IQCE: variants seen among roughly 807,000 people sequenced by gnomAD.
IQCE encodes the protein IQ motif containing E.
In IQCE, 115 loss-of-function variants were observed where a neutral mutation model predicts 96.0. The observed-to-expected ratio is 1.20, with a 90% CI of 1.03 to 1.40. The LOEUF is 1.40. Ranked by LOEUF, IQCE falls within the 40% of genes most tolerant of loss-of-function variation. The pLI is 0.00. For synonymous variants in IQCE, 412 were observed against 371.2 expected, an observed-to-expected ratio of 1.11 and a Z score of -1.26; for missense variants, 1,041 against 909.1, an observed-to-expected ratio of 1.15 and a Z score of -1.87.
intron 17 of IQCE, among the ~76,000 whole-genome samples, chr7:2,599,957 C>A (rs1456420653): frequency 2.0e-5 from 3 of 152,022 alleles, no homozygotes; most frequent in Admixed American, 2.0e-4. Context: ...CCATGCACAG[C>A]TAATTTTTGT....
At chr7:2,568,297 A>G (rs1429814044) in intron 2 of IQCE, among the ~76,000 whole-genome samples, 3 of 152,258 alleles carry the variant, frequency 2.0e-5, no homozygotes, top group African/African-American at 4.8e-5. Flanking sequence ...TGAAACATAA[A>G]TGAATTTTGT....
chr7:2,606,469 A>C (rs929266578), intron 20 of IQCE, among the ~76,000 whole-genome samples: 1 of 152,054 alleles, frequency 6.6e-6, no homozygotes, highest in African/African-American at 2.4e-5. Context: ...TCGGTTGCAG[A>C]AATCAAAACC....
At chr7:2,561,337 CTAAG>C (rs1412550701) in intron 1 of IQCE, among the ~76,000 whole-genome samples, 2 of 152,046 alleles carry the variant, frequency 1.3e-5, no homozygotes, top group Non-Finnish European at 2.9e-5. Flanking sequence ...AAATTTATTC[CTAAG>C]TATTTTATGC....
chr7:2,602,357 A>G (rs954514370), intron 18 of IQCE, among the ~76,000 whole-genome samples: 2 of 152,138 alleles, frequency 1.3e-5, no homozygotes, highest in South Asian at 4.1e-4. Context: ...TTTAGGGAGG[A>G]GCTAGAAAGT....
In IQCE at chr7:2,610,115, GA is replaced by G. The variant is rs1241924015; in HGVS notation, c.2042del (p.Asp681ValfsTer52). On this transcript the variant is annotated frameshift_variant, in exon 22 of 22. Transcript: ENST00000402050. LOFTEE classifies it high-confidence loss of function. The stretch of plus-strand genomic sequence containing the variant: ...TGACGTCAACTCCGATGATTCCGAC[GA>G]TATTGTCATTGCACCGTCTCTGCCC... ...GDDVNSDDSD[D>X]IVIAPSLPTK... 6.2e-7 allele frequency: 1 copy of G among 1,613,312 alleles called. No homozygotes were observed. The highest frequency in any genetic ancestry group is 1.3e-5 in the African/African-American group (1 of 75,030).
At chr7:2,600,557 G>A (rs1011592007) in intron 17 of IQCE, among the ~76,000 whole-genome samples, 6 of 152,208 alleles carry the variant, frequency 3.9e-5, no homozygotes, top group African/African-American at 7.2e-5. Context: ...TCGTCCTCCC[G>A]AAAGCGTGGG....
At chr7:2,591,918 G>A (rs1029582311) in intron 14 of IQCE, among the ~76,000 whole-genome samples, 1 of 149,300 alleles carries the variant, frequency 6.7e-6, no homozygotes, top group Non-Finnish European at 1.5e-5. Context: ...CACCGCACCC[G>A]GGCCTGCCTC....
intron 11 of IQCE, 123 bp downstream of exon 11, chr7:2,584,408 A>G (rs1782938145): frequency 1.1e-6 from 1 of 869,734 alleles, no homozygotes; most frequent in African/African-American, 1.6e-5. Flanking sequence ...AGTGCTGCCA[A>G]CACTGCACCT....
chr7:2,605,598 C>G (rs1784750060), intron 19 of IQCE, among the ~76,000 whole-genome samples: 1 of 151,790 alleles, frequency 6.6e-6, no homozygotes, highest in Non-Finnish European at 1.5e-5. Context: ...CCAGCCTGGG[C>G]AACAGAGCGA....
intron 11 of IQCE, 22 bp from the exon 12 acceptor site, chr7:2,586,186 G>T (rs1319324314): frequency 6.2e-7 from 1 of 1,606,930 alleles, no homozygotes; most frequent in Non-Finnish European, 8.5e-7. Context: ...GCAAACCTCA[G>T]TCCACGATTT....
chr7:2,583,087 TC>T (rs1218533157), intron 9 of IQCE, among the ~76,000 whole-genome samples: 1 of 152,110 alleles, frequency 6.6e-6, no homozygotes, highest in Non-Finnish European at 1.5e-5. Context: ...GTACAATAGT[TC>T]CCCCCTCGTT....
chr7:2,583,069 T>G (rs567667991), intron 9 of IQCE, among the ~76,000 whole-genome samples: 1 of 152,198 alleles, frequency 6.6e-6, no homozygotes, highest in South Asian at 2.1e-4. Flanking sequence ...GCCTTATGTC[T>G]CCTGTTCGTA....
At chr7:2,583,052 G>A (rs1425759562) in intron 9 of IQCE, among the ~76,000 whole-genome samples, 2 of 152,138 alleles carry the variant, frequency 1.3e-5, no homozygotes, top group Non-Finnish European at 2.9e-5. Flanking sequence ...GAGGCCACAC[G>A]TCCATTGCCT....
chr7:2,589,770 A>G (rs1022222826), intron 13 of IQCE, 137 bp from the exon 14 acceptor site: 2 of 740,658 alleles, frequency 2.7e-6, no homozygotes, highest in Admixed American at 2.4e-5. Context: ...TCTCTGGGTA[A>G]CTCGGGTCCC....
chr7:2,569,695 C>T (rs6943706), intron 3 of IQCE, among the ~76,000 whole-genome samples: 3,787 of 152,290 alleles, frequency 0.025, 160 homozygotes, highest in African/African-American at 0.086. Context: ...ACCCCAAAGC[C>T]TGTGGCCTTC....
intron 18 of IQCE, 193 bp downstream of exon 18, chr7:2,601,657 C>G: frequency 1.8e-6 from 1 of 549,384 alleles, no homozygotes; most frequent in African/African-American, 1.9e-5. Context: ...TCAAGCGATT[C>G]TCCTGCCTCA....
At chr7:2,585,902 G>A (rs775056026) in intron 11 of IQCE, among the ~76,000 whole-genome samples, 12 of 152,184 alleles carry the variant, frequency 7.9e-5, no homozygotes, top group Non-Finnish European at 1.3e-4. Flanking sequence ...AGCACCTGGC[G>A]TAACAAGATG....
chr7:2,600,798 A>G (rs139529876), intron 17 of IQCE, among the ~76,000 whole-genome samples: 2 of 152,294 alleles, frequency 1.3e-5, no homozygotes, highest in Non-Finnish European at 2.9e-5. Context: ...CGTGCCATTA[A>G]GTGCACATTG....
chr7:2,602,866 G>T (rs1784529059), intron 18 of IQCE, among the ~76,000 whole-genome samples: 1 of 152,204 alleles, frequency 6.6e-6, no homozygotes, highest in Admixed American at 6.5e-5. Flanking sequence ...GCGCGCAGCT[G>T]CAGTGGGAGC....
Sources: gnomAD v4.1 joint callset for allele counts (sites outside exome capture counted in the v4.1 genomes callset) on GRCh38, gnomAD v4.1.1 for gene constraint, MANE v1.5 for transcripts, NCBI Gene and HGNC (gene_info 2026-07-23, HGNC 2026-07-21) for gene names.